The following ZFAT variants were observed in gnomAD, a reference collection of about 807,000 sequenced individuals.
ZFAT encodes zinc finger protein ZFAT.
A neutral mutation model predicts 117.7 loss-of-function variants in ZFAT; 64 were observed. The ratio of observed to expected loss-of-function variants is 0.54; its 90% CI spans 0.44 to 0.67. The LOEUF is 0.67. Among genes scored for constraint, ZFAT ranks in the 30% least tolerant of loss-of-function variants. ZFAT has a pLI of 0.00. For synonymous variants in ZFAT, 679 were observed against 615.0 expected (o/e 1.10, Z -1.54); for missense variants, 1,433 against 1,584.5 (o/e 0.90, Z 1.62).
intron 11 of ZFAT, among the ~76,000 whole-genome samples, chr8:134,543,507 C>G (rs1298606400): frequency 6.6e-6 from 1 of 152,282 alleles, no homozygotes; most frequent in Non-Finnish European, 1.5e-5. Flanking sequence ...AGGACAACTT[C>G]AGCACACAGG....
At chr8:134,720,617 C>T in the ZFAT span, among the ~76,000 whole-genome samples, 1 of 152,198 alleles carries the variant, frequency 6.6e-6, no homozygotes, top group Non-Finnish European at 1.5e-5. Flanking sequence ...GCAAACGGTG[C>T]CAAGGAGGAC....
At chr8:134,654,111 A>G (rs1262361864) in intron 2 of ZFAT, among the ~76,000 whole-genome samples, 1 of 152,214 alleles carries the variant, frequency 6.6e-6, no homozygotes, top group Non-Finnish European at 1.5e-5. Context: ...AGCCTGGCCA[A>G]CATGGCAAAT....
rs554337148 is a variant in ZFAT at position 134,550,241 on chromosome 8, C to T, written c.2976+15092G>A. Among the ~76,000 whole-genome samples the T allele has an allele frequency of 2.1e-3, 294 of 141,592 alleles. 1 individual carries two copies. The highest frequency in any genetic ancestry group is 7.0e-3 in the African/African-American group (273 of 38,796). The allele number at this position is 141,592 out of a possible 152,430, so 92.9% of individuals were successfully genotyped here. On this transcript the variant is annotated intron_variant, in intron 11 of 15. Coordinates refer to ENST00000377838, the MANE Select transcript of ZFAT (RefSeq NM_020863.4). ...TCTTTTAATATATTTTTTGCTTTATCGCTTCAGGATTTATAAACCTGAGAA... is the reference window on the plus strand; with the variant it reads ...TCTTTTAATATATTTTTTGCTTTATTGCTTCAGGATTTATAAACCTGAGAA...
At chr8:134,557,547 G>T (rs1479826030) in intron 11 of ZFAT, among the ~76,000 whole-genome samples, 1 of 152,144 alleles carries the variant, frequency 6.6e-6, no homozygotes, top group Non-Finnish European at 1.5e-5. Context: ...AACTGGGTGT[G>T]GGGTATATAG....
intron 2 of ZFAT, among the ~76,000 whole-genome samples, chr8:134,644,876 T>C (rs1268635397): frequency 6.6e-6 from 1 of 152,012 alleles, no homozygotes; most frequent in Non-Finnish European, 1.5e-5. Context: ...TCACACAACG[T>C]GCACACTCAA....
At chr8:134,516,940 C>G (rs1164232939) in intron 13 of ZFAT, among the ~76,000 whole-genome samples, 1 of 152,168 alleles carries the variant, frequency 6.6e-6, no homozygotes, top group Non-Finnish European at 1.5e-5. Context: ...AGTTGATTCT[C>G]TAACATTCTA....
chr8:134,725,898 C>T, the ZFAT span, among the ~76,000 whole-genome samples: 14 of 152,236 alleles, frequency 9.2e-5, no homozygotes, highest in African/African-American at 2.2e-4. Context: ...TACCGTGTGG[C>T]GGTCAACTGT....
chr8:134,637,774 C>G, intron 2 of ZFAT, 62 bp from the exon 3 acceptor site: 2 of 1,570,646 alleles, frequency 1.3e-6, no homozygotes, highest in South Asian at 2.3e-5. Flanking sequence ...GGTTCACAAT[C>G]ACCCTCCAAG....
chr8:134,548,967 G>A (rs957301627), intron 11 of ZFAT, among the ~76,000 whole-genome samples: 17 of 152,172 alleles, frequency 1.1e-4, no homozygotes, highest in African/African-American at 3.6e-4. Flanking sequence ...CCCGACTCAC[G>A]TCACTACTCC....
At chr8:134,529,130 C>A (rs1821228004) in intron 12 of ZFAT, among the ~76,000 whole-genome samples, 1 of 152,106 alleles carries the variant, frequency 6.6e-6, no homozygotes, top group South Asian at 2.1e-4. Flanking sequence ...CCACAGTGAT[C>A]AAAAATCCCG....
chr8:134,676,640 A>T (rs200501149), intron 1 of ZFAT, among the ~76,000 whole-genome samples: 1 of 152,122 alleles, frequency 6.6e-6, no homozygotes, highest in Admixed American at 6.6e-5. Flanking sequence ...CAACAGAATA[A>T]ACATTCTTCT....
chr8:134,698,126 C>G lies in ZFAT; in HGVS notation c.19+14719G>C, dbSNP rs139219174. 4.3e-4 allele frequency among the ~76,000 whole-genome samples: 66 copies of G among 151,830 alleles called. 1 individual carries two copies. In the East Asian group the frequency reaches 0.013, roughly 29 times the overall value. On this transcript the variant is annotated intron_variant, in intron 1 of 15. Transcript: ENST00000377838. ...TTACCTGAGGTCAGGAGTTCGAGAC[C>G]AGCCTGGCCAACATGGCAAAACCCC...
At position 134,565,218 on chromosome 8, in the gene ZFAT, C is replaced by T. The variant is rs967324592; in HGVS notation, c.2976+115G>A. 21 of 1,552,456 alleles carry T rather than the reference C, an allele frequency of 1.4e-5. No homozygotes were observed. The African/African-American group carries it at 1.4e-4, about 10-fold the overall frequency. On this transcript the variant is annotated intron_variant, in intron 11 of 15. Transcript: ENST00000377838. ...ACTCCACGTGTACCAGCTAAGGGGG[C>T]CCCAAAGCGAAGGTAAAACCAACAA...
At chr8:134,509,061 A>G (rs1819622989) in intron 15 of ZFAT, among the ~76,000 whole-genome samples, 1 of 152,242 alleles carries the variant, frequency 6.6e-6, no homozygotes, top group African/African-American at 2.4e-5. Context: ...CAGATGGTGA[A>G]GTCTCCACTG....
chr8:134,583,780 G>T (rs1010618624), intron 10 of ZFAT, 52 bp downstream of exon 10: 1 of 1,591,398 alleles, frequency 6.3e-7, no homozygotes, highest in Non-Finnish European at 8.6e-7. Flanking sequence ...TGGAACATCA[G>T]CTTCAAACCA....
intron 15 of ZFAT, among the ~76,000 whole-genome samples, chr8:134,499,228 C>A (rs1401118809): frequency 8.2e-6 from 1 of 122,350 alleles, no homozygotes; most frequent in African/African-American, 3.1e-5. Context: ...GGGATGCCCC[C>A]GTTGCTGGTT....
chr8:134,628,156 G>A (rs1323605199), intron 3 of ZFAT, among the ~76,000 whole-genome samples: 1 of 152,160 alleles, frequency 6.6e-6, no homozygotes, highest in South Asian at 2.1e-4. Context: ...CATAGAGAAG[G>A]GACAGATGAC....
intron 10 of ZFAT, among the ~76,000 whole-genome samples, chr8:134,579,972 A>C (rs1260127540): frequency 6.6e-6 from 1 of 151,450 alleles, no homozygotes; most frequent in African/African-American, 2.4e-5. Flanking sequence ...AAAAAAAAAA[A>C]AGAACAATGC....
At chr8:134,807,650 A>G in the ZFAT span, among the ~76,000 whole-genome samples, 13 of 151,978 alleles carry the variant, frequency 8.6e-5, no homozygotes, top group Non-Finnish European at 1.9e-4. Context: ...AACACTTGGC[A>G]GAAGGCAAGA....
Sources: gnomAD v4.1 joint callset for allele counts (sites outside exome capture counted in the v4.1 genomes callset) on GRCh38, gnomAD v4.1.1 for gene constraint, MANE v1.5 for transcripts, NCBI Gene and HGNC (gene_info 2026-07-23, HGNC 2026-07-21) for gene names.